The following STAMBP variants were observed in gnomAD, a reference collection of about 807,000 sequenced individuals.
STAMBP encodes STAM-binding protein.
A neutral mutation model predicts 50.7 loss-of-function variants in STAMBP; 31 were observed. The ratio of observed to expected loss-of-function variants is 0.61; its 90% CI spans 0.46 to 0.83. The LOEUF is 0.83. STAMBP is among the 40% of genes least tolerant of loss of function. The pLI is 0.00. For synonymous variants in STAMBP, 211 were observed against 192.4 expected, an observed-to-expected ratio of 1.10 and a Z score of -0.80; for missense variants, 472 against 518.9, an observed-to-expected ratio of 0.91 and a Z score of 0.88.
chr2:73,872,162 A>T (rs953569412), downstream of STAMBP, among the ~76,000 whole-genome samples: 7 of 152,190 alleles, frequency 4.6e-5, no homozygotes, highest in Non-Finnish European at 1.0e-4. Flanking sequence ...TTCATCCTTG[A>T]ACCAATCACT....
intron 4 of STAMBP, 102 bp from the exon 5 acceptor site, chr2:73,847,285 C>T: frequency 7.1e-7 from 1 of 1,415,614 alleles, no homozygotes. Context: ...CAGGCCACAG[C>T]AGAAGTACAT....
At position 73,849,355 on chromosome 2, in the gene STAMBP, C is replaced by G. The variant is rs1676516284; in HGVS notation, c.743-8C>G. ...TGGTCGCAGACTATTCTCCTTTCTC[C>G]TTTACAGTTCCCACAATCGATGGAT... is the stretch of plus-strand genomic sequence containing the variant. On this transcript the variant is annotated splice_polypyrimidine_tract_variant and splice_region_variant and intron_variant, in intron 5 of 9. Transcript: ENST00000394070. 1.2e-6 allele frequency: 2 copies of G among 1,613,832 alleles called. No homozygotes were observed. Among genetic ancestry groups the G allele is most frequent in the Admixed American group, 3.3e-5 (2 of 60,004 alleles).
intron 2 of STAMBP, among the ~76,000 whole-genome samples, chr2:73,836,321 G>A (rs34662827): frequency 6.6e-6 from 1 of 152,230 alleles, no homozygotes; most frequent in Non-Finnish European, 1.5e-5. Flanking sequence ...TGCCGAGGCA[G>A]GAGCAGCAGC....
chr2:73,841,287 T>A (rs1675356778), intron 2 of STAMBP, among the ~76,000 whole-genome samples: 1 of 152,296 alleles, frequency 6.6e-6, no homozygotes, highest in South Asian at 2.1e-4. Context: ...GTCTAGTTTA[T>A]AAGTAAAGAA....
intron 4 of STAMBP, among the ~76,000 whole-genome samples, chr2:73,845,633 ATTTT>A (rs944316554): frequency 1.5e-5 from 2 of 136,606 alleles, no homozygotes; most frequent in Non-Finnish European, 1.6e-5. Context: ...TTTTCAAGCT[ATTTT>A]TTTTTTTTTT....
At chr2:73,841,977 G>GT (rs1282017435) in intron 2 of STAMBP, among the ~76,000 whole-genome samples, 1 of 151,862 alleles carries the variant, frequency 6.6e-6, no homozygotes, top group Non-Finnish European at 1.5e-5. Context: ...TTTTGTTTTT[G>GT]TTTTTTTACT....
intron 9 of STAMBP, among the ~76,000 whole-genome samples, chr2:73,861,657 T>C (rs1375531995): frequency 6.6e-6 from 1 of 151,372 alleles, no homozygotes; most frequent in African/African-American, 2.4e-5. Flanking sequence ...TAGCTGGGAC[T>C]ACAGGTGCGC....
chr2:73,855,195 A>G (rs1459792358), intron 7 of STAMBP, among the ~76,000 whole-genome samples: 1 of 152,180 alleles, frequency 6.6e-6, no homozygotes, highest in Non-Finnish European at 1.5e-5. Flanking sequence ...ATCATGTTTC[A>G]GCGCTATCTG....
chr2:73,846,404 C>A (rs537307653), intron 4 of STAMBP, among the ~76,000 whole-genome samples: 1 of 149,922 alleles, frequency 6.7e-6, no homozygotes, highest in East Asian at 2.0e-4. Flanking sequence ...AGTTCGAGAC[C>A]AGCCTGGGCA....
chr2:73,841,725 C>T (rs1675414204), intron 2 of STAMBP, among the ~76,000 whole-genome samples: 1 of 152,164 alleles, frequency 6.6e-6, no homozygotes, highest in Non-Finnish European at 1.5e-5. Context: ...AAGTGACTTG[C>T]CCAAGGTCAC....
chr2:73,835,400 T>C (rs1674594583), intron 2 of STAMBP, among the ~76,000 whole-genome samples: 3 of 150,394 alleles, frequency 2.0e-5, no homozygotes, highest in Non-Finnish European at 3.0e-5. Flanking sequence ...CCCAGGCTGG[T>C]CTCGAACTCC....
intron 1 of STAMBP, 33 bp downstream of exon 1, chr2:73,829,543 G>C (rs1158340246): frequency 6.6e-6 from 1 of 152,226 alleles, no homozygotes; most frequent in African/African-American, 2.4e-5. Context: ...CTCTGTTTCA[G>C]TTAACTTTCA....
chr2:73,835,389 G>GC (rs1184949532), intron 2 of STAMBP, among the ~76,000 whole-genome samples: 16 of 150,230 alleles, frequency 1.1e-4, no homozygotes, highest in Non-Finnish European at 1.9e-4. Flanking sequence ...CACTAATGTT[G>GC]CCCAGGCTGG....
intron 2 of STAMBP, among the ~76,000 whole-genome samples, chr2:73,836,904 C>T (rs369786449): frequency 7.2e-5 from 11 of 152,164 alleles, no homozygotes; most frequent in African/African-American, 2.7e-4. Flanking sequence ...GACTAGGTCC[C>T]CGGGGCTCAG....
Position 73,829,445 on chromosome 2 carries a change from A to T in STAMBP, c.-78A>T, listed in dbSNP as rs749929636. On this transcript the variant is annotated 5_prime_UTR_variant, in exon 1 of 10. Transcript: ENST00000394070. ...TTTGGAATTGCTCAACCAGGTGGTA[A>T]CCGGCGCCGCTTCCTGGCCTTGGGA... The T allele has an allele frequency of 6.6e-6, 1 of 152,158 alleles. No homozygotes were observed. The highest frequency in any genetic ancestry group is 1.5e-5 in the Non-Finnish European group (1 of 68,072). The allele number at this position is 152,158 out of a possible 1,614,324, so 9.4% of individuals were successfully genotyped here.
In STAMBP at chr2:73,836,656, C is replaced by A. The variant is rs532151570; in HGVS notation, c.203+5597C>A. Among the ~76,000 whole-genome samples, 3 of 152,344 alleles carry A rather than the reference C, an allele frequency of 2.0e-5. No individual in the cohort carries two copies. The East Asian group carries it at 5.8e-4, about 29-fold the overall frequency. ...ACTGCTAAGGGTCAGAGACTAGAGG[C>A]TGGGAGGGAGAGCAGTGGCCGCCGG... On this transcript the variant is annotated intron_variant, in intron 2 of 9. Transcript: ENST00000394070.
At chr2:73,845,338 A>C in intron 4 of STAMBP, 76 bp downstream of exon 4, 4 of 1,023,800 alleles carry the variant, frequency 3.9e-6, no homozygotes, top group Non-Finnish European at 3.0e-6. Context: ...ATGACATTTC[A>C]ATATATCCTG....
downstream of STAMBP, among the ~76,000 whole-genome samples, chr2:73,871,516 C>G (rs915155015): frequency 1.6e-4 from 25 of 151,590 alleles, no homozygotes; most frequent in African/African-American, 5.8e-4. Context: ...TCACTACACT[C>G]CAGCCTGGGC....
At chr2:73,844,247 A>G (rs2104448925) in intron 2 of STAMBP, among the ~76,000 whole-genome samples, 1 of 152,394 alleles carries the variant, frequency 6.6e-6, no homozygotes, top group South Asian at 2.1e-4. Context: ...CTAACATGTA[A>G]TATGCACATA....
Sources: allele counts gnomAD v4.1 joint callset (sites outside exome capture counted in the v4.1 genomes callset), GRCh38; gene constraint gnomAD v4.1.1; transcripts MANE v1.5; gene names NCBI Gene and HGNC (gene_info 2026-07-23, HGNC 2026-07-21).